Variants in PLCB4 observed in about 807,000 individuals in gnomAD.
The protein encoded by PLCB4 is 1-phosphatidylinositol 4,5-bisphosphate phosphodiesterase beta-4.
In PLCB4, 77 loss-of-function variants were observed where a neutral mutation model predicts 178.8. That is an observed-to-expected ratio of 0.43 (90% CI 0.36 to 0.52). PLCB4 has a LOEUF of 0.52. PLCB4 is among the 20% of genes least tolerant of loss of function. The pLI, the probability that PLCB4 is intolerant of heterozygous loss-of-function variation, is 0.00. For missense variants in PLCB4, 1,024 were observed against 1,453.4 expected (o/e 0.70, Z 4.80); for synonymous variants, 496 against 490.8 (o/e 1.01, Z -0.14).
intron 2 of PLCB4, among the ~76,000 whole-genome samples, chr20:9,176,340 A>G (rs1381547321): frequency 6.6e-6 from 1 of 152,140 alleles, no homozygotes; most frequent in African/African-American, 2.4e-5. Context: ...ACATGTTTTT[A>G]TTTCTTTTGG....
intron 1 of PLCB4, among the ~76,000 whole-genome samples, chr20:9,090,789 T>C (rs1299649459): frequency 1.3e-5 from 2 of 152,234 alleles, no homozygotes; most frequent in Non-Finnish European, 2.9e-5. Context: ...AAATTTGGTT[T>C]CTTTGGAGTC....
At chr20:9,418,337 A>C (rs918954759) in intron 25 of PLCB4, among the ~76,000 whole-genome samples, 1 of 152,138 alleles carries the variant, frequency 6.6e-6, no homozygotes, top group African/African-American at 2.4e-5. Flanking sequence ...TATATGGTAT[A>C]AGGTAAAGAT....
At chr20:9,169,551 T>C (rs1255029327) in intron 2 of PLCB4, among the ~76,000 whole-genome samples, 4 of 151,698 alleles carry the variant, frequency 2.6e-5, no homozygotes, top group African/African-American at 4.8e-5. Context: ...ACCGTGCCAC[T>C]GCGCTCCAGC....
At chr20:9,099,114 A>G (rs2091044009) in intron 2 of PLCB4, among the ~76,000 whole-genome samples, 1 of 152,104 alleles carries the variant, frequency 6.6e-6, no homozygotes, top group Non-Finnish European at 1.5e-5. Context: ...ACTATTATAA[A>G]TGGCTAACAA....
At chr20:9,088,475 T>C (rs936519772) in intron 1 of PLCB4, among the ~76,000 whole-genome samples, 1 of 152,210 alleles carries the variant, frequency 6.6e-6, no homozygotes, top group African/African-American at 2.4e-5. Flanking sequence ...AGATAAGTGT[T>C]AAACCTTCAG....
At chr20:9,158,212 C>G (rs1478442414) in intron 2 of PLCB4, among the ~76,000 whole-genome samples, 1 of 152,046 alleles carries the variant, frequency 6.6e-6, no homozygotes, top group Admixed American at 6.6e-5. Context: ...CATACAGATA[C>G]CATCTGCATG....
At chr20:9,183,931 C>G (rs2147102995) in intron 2 of PLCB4, among the ~76,000 whole-genome samples, 2 of 152,184 alleles carry the variant, frequency 1.3e-5, no homozygotes, top group South Asian at 4.2e-4. Context: ...ATCTATGAAG[C>G]TATTAAAAAA....
chr20:9,390,496 G>A, intron 16 of PLCB4, 35 bp from the exon 17 acceptor site: 2 of 1,052,026 alleles, frequency 1.9e-6, no homozygotes, highest in Non-Finnish European at 3.0e-6. Flanking sequence ...GTTAATGGGT[G>A]TTTGAATTTA....
At chr20:9,214,922 T>C (rs2093712763) in intron 2 of PLCB4, among the ~76,000 whole-genome samples, 1 of 152,178 alleles carries the variant, frequency 6.6e-6, no homozygotes, top group Non-Finnish European at 1.5e-5. Flanking sequence ...TGTTAGATAG[T>C]TGCTAGGGAA....
chr20:9,135,108 A>C (rs944122713), intron 2 of PLCB4, among the ~76,000 whole-genome samples: 2 of 152,116 alleles, frequency 1.3e-5, no homozygotes, highest in Non-Finnish European at 2.9e-5. Context: ...AGAAATGGTC[A>C]AAATGATATA....
In PLCB4 at chr20:9,380,119, G is replaced by A. The variant is rs1212413647; in HGVS notation, c.810G>A (p.Gln270=). The A allele has an allele frequency of 5.0e-6, 8 of 1,588,722 alleles. No individual in the cohort carries two copies. In the South Asian group the frequency reaches 6.9e-5, roughly 14 times the overall value. ...FPFYDAKRAM[Q]IIEMYEPDED... is the part of the protein sequence containing the mutation. ...TTTATGATGCCAAAAGGGCAATGCA[G>A]ATCATTGAGATGTATGAACCTGATG... The change falls in exon 13 of 40, where the codon CAG becomes CAA. Residue 270 remains glutamine, a synonymous_variant. Transcript: ENST00000378473.
In PLCB4 at chr20:9,181,791, A is replaced by G. The variant is rs144215955; in HGVS notation, c.-78-35599A>G. On this transcript the variant is annotated intron_variant, in intron 2 of 39. Coordinates refer to ENST00000378473, the MANE Select transcript of PLCB4 (RefSeq NM_001377142.1). ...ATTATGGAAATTTTGGGAGTGGAGG[A>G]CACAAATGTTCAGTCCCTAGCAATC... Among the ~76,000 whole-genome samples the G allele has an allele frequency of 2.4e-3, 360 of 152,226 alleles. 5 individuals carry two copies. Among genetic ancestry groups the G allele is most frequent in the Non-Finnish European group, 3.8e-3 (259 of 68,016 alleles).
chr20:9,292,414 C>T (rs2094587937), intron 3 of PLCB4, among the ~76,000 whole-genome samples: 1 of 152,182 alleles, frequency 6.6e-6, no homozygotes, highest in African/African-American at 2.4e-5. Context: ...GCCCAGAGGT[C>T]TCCTCTAAAG....
At chr20:9,392,156 A>G (rs905901064) in intron 17 of PLCB4, among the ~76,000 whole-genome samples, 4 of 152,250 alleles carry the variant, frequency 2.6e-5, no homozygotes, top group Admixed American at 1.3e-4. Context: ...TGATGTGCAC[A>G]TACTTTTACC....
At chr20:9,337,980 A>G (rs745699832) in intron 5 of PLCB4, 28 bp from the exon 6 acceptor site, 3 of 1,585,876 alleles carry the variant, frequency 1.9e-6, no homozygotes, top group Non-Finnish European at 2.6e-6. Context: ...ATTTAAGCTC[A>G]TTGCTGTGTT....
At chr20:9,466,196 A>G (rs1229644027) in intron 35 of PLCB4, among the ~76,000 whole-genome samples, 2 of 152,254 alleles carry the variant, frequency 1.3e-5, no homozygotes, top group Admixed American at 6.5e-5. Flanking sequence ...AGGATTCCCT[A>G]TTTAATAAAT....
At chr20:9,097,614 A>G (rs1409654046) in intron 2 of PLCB4, among the ~76,000 whole-genome samples, 2 of 152,146 alleles carry the variant, frequency 1.3e-5, no homozygotes, top group African/African-American at 4.8e-5. Context: ...TACAATAACA[A>G]ATTCGTGATG....
chr20:9,077,714 A>G (rs544252289), intron 1 of PLCB4, among the ~76,000 whole-genome samples: 1 of 152,344 alleles, frequency 6.6e-6, no homozygotes, highest in African/African-American at 2.4e-5. Context: ...GGACATGTCC[A>G]TAAGCACCCT....
intron 17 of PLCB4, 37 bp from the exon 18 acceptor site, chr20:9,393,551 G>C (rs1261245160): frequency 7.3e-7 from 1 of 1,368,028 alleles, no homozygotes; most frequent in Non-Finnish European, 1.0e-6. Flanking sequence ...GAGAAGCACA[G>C]CCCTTCCTTA....
Sources: gnomAD v4.1 joint callset for allele counts (sites outside exome capture counted in the v4.1 genomes callset) on GRCh38, gnomAD v4.1.1 for gene constraint, MANE v1.5 for transcripts, NCBI Gene and HGNC (gene_info 2026-07-23, HGNC 2026-07-21) for gene names.